The following NDUFC2 variants were observed in gnomAD, a reference collection of about 807,000 sequenced individuals.
NDUFC2 encodes NADH dehydrogenase [ubiquinone] 1 subunit C2.
Under a neutral mutation model 10.1 loss-of-function variants are expected in NDUFC2, and 2 were observed. The ratio of observed to expected loss-of-function variants is 0.20; its 90% CI spans 0.08 to 0.62. The LOEUF (loss-of-function observed/expected upper bound fraction) is 0.62. Ranked by LOEUF, NDUFC2 falls within the 20% of genes least tolerant of loss-of-function variation. The pLI is 0.87. For synonymous variants in NDUFC2, 61 were observed against 63.6 expected (o/e 0.96, Z 0.20); for missense variants, 156 against 159.6 (o/e 0.98, Z 0.12).
chr11:78,073,107 A>C lies in NDUFC2; in HGVS notation c.201T>G (p.Phe67Leu). The change falls in exon 2 of 3, where the codon TTT becomes TTG. Residue 67 changes from phenylalanine to leucine, a missense_variant. By Grantham distance (22) the Phe-to-Leu change is conservative. Transcript: ENST00000281031. ...TTACAAGATAATATCCAGCAAAAAA[A>C]AAGGCCGTAATATATAGAAGCTGGC... Reference protein sequence around the residue: ...LHRQLLYITAFFFAGYYLVKR... With the variant: ...LHRQLLYITALFFAGYYLVKR... 6.2e-7 allele frequency: 1 copy of C among 1,613,780 alleles called. No homozygotes were observed. The highest frequency in any genetic ancestry group is 8.5e-7 in the Non-Finnish European group (1 of 1,179,962).
chr11:78,078,931 G>T (rs1211717281), intron 1 of NDUFC2, among the ~76,000 whole-genome samples: 2 of 150,992 alleles, frequency 1.3e-5, no homozygotes, highest in Admixed American at 1.3e-4. Context: ...TCGCCCTATT[G>T]CCCATACTGG....
At chr11:78,070,160 G>A (rs1239218411) in intron 2 of NDUFC2, 124 bp from the exon 3 acceptor site, 1 of 706,088 alleles carries the variant, frequency 1.4e-6, no homozygotes, top group Non-Finnish European at 2.4e-6. Context: ...GAATGTTCAT[G>A]TCCCCCCAAA....
intron 1 of NDUFC2, among the ~76,000 whole-genome samples, chr11:78,074,622 A>T (rs531090250): frequency 1.2e-4 from 18 of 152,300 alleles, no homozygotes; most frequent in African/African-American, 4.3e-4. Flanking sequence ...CAAAAAAAAA[A>T]ACAAAAAAAG....
At position 78,069,709 on chromosome 11, in the gene NDUFC2, T is replaced by G; in HGVS notation, c.*278A>C. The G allele has an allele frequency of 3.1e-6, 2 of 636,082 alleles. No homozygotes were observed. 39.4% of individuals were successfully genotyped at this position (636,082 alleles called of 1,614,324 possible). A position where few individuals can be genotyped will look rare whatever the true frequency, so the allele number is the denominator to read the frequency against. ...AGCATGGCTGTGTTCCAATGAGACT[T>G]TATTGGCAGTGGGCCAGATTTGGGT... On this transcript the variant is annotated 3_prime_UTR_variant, in exon 3 of 3. Transcript: ENST00000281031.
intron 2 of NDUFC2, 119 bp from the exon 3 acceptor site, chr11:78,070,155 T>C: frequency 1.4e-6 from 1 of 717,766 alleles, no homozygotes; most frequent in Non-Finnish European, 2.3e-6. Context: ...GGTCTGAATG[T>C]TCATGTCCCC....
At chr11:78,078,401 A>G (rs768213530) in intron 1 of NDUFC2, among the ~76,000 whole-genome samples, 5 of 152,146 alleles carry the variant, frequency 3.3e-5, no homozygotes, top group Non-Finnish European at 7.4e-5. Context: ...CCTTGCCCCC[A>G]TTAGCTCCCA....
intron 2 of NDUFC2, among the ~76,000 whole-genome samples, chr11:78,072,426 G>A (rs1859051147): frequency 6.6e-6 from 1 of 152,126 alleles, no homozygotes; most frequent in Non-Finnish European, 1.5e-5. Flanking sequence ...GATCTGCCCC[G>A]CTCGGCCCCC....
At chr11:78,078,293 C>T (rs637048) in intron 1 of NDUFC2, among the ~76,000 whole-genome samples, 1 of 152,176 alleles carries the variant, frequency 6.6e-6, no homozygotes, top group Non-Finnish European at 1.5e-5. Context: ...TTCCTGACTG[C>T]CTAGAAAATA....
intron 1 of NDUFC2, among the ~76,000 whole-genome samples, chr11:78,076,521 G>A (rs1314408003): frequency 1.3e-5 from 2 of 152,218 alleles, no homozygotes; most frequent in African/African-American, 2.4e-5. Context: ...AGTAAATGCT[G>A]TTGAGGACAA....
At chr11:78,076,373 T>C (rs652471) in intron 1 of NDUFC2, among the ~76,000 whole-genome samples, 130,198 of 152,194 alleles carry the variant, frequency 0.86, 55,772 homozygotes, top group Admixed American at 0.89. Context: ...AACTCTTGAC[T>C]TCAGGTGATC....
In NDUFC2 at chr11:78,068,893, C is replaced by T. The variant is rs964864233; in HGVS notation, c.*1094G>A. 1 of 150,102 alleles carries T rather than the reference C, an allele frequency of 6.7e-6. No homozygotes were observed. The highest frequency in any genetic ancestry group is 1.5e-5 in the Non-Finnish European group (1 of 67,582). 9.3% of individuals were successfully genotyped at this position (150,102 alleles called of 1,614,324 possible). ...TTGGGACAAGTACTTTTTTTTTTGA[C>T]GGGGTCTCCTTTGTCACCCAGGCTG... On this transcript the variant is annotated 3_prime_UTR_variant, in exon 3 of 3. Transcript: ENST00000281031.
At chr11:78,078,728 C>CTTTTTTTTTTTTTTTTTTTTT (rs71046953) in intron 1 of NDUFC2, among the ~76,000 whole-genome samples, 628 of 61,550 alleles carry the variant, frequency 0.01, 184 homozygotes, top group African/African-American at 0.02. Flanking sequence ...TCAGGATCCG[C>CTTTTTTTTTTTTTTTTTTTTT]TTTTTTTTTT....
intron 1 of NDUFC2, among the ~76,000 whole-genome samples, chr11:78,076,851 A>G (rs910201943): frequency 2.0e-5 from 3 of 152,066 alleles, no homozygotes; most frequent in African/African-American, 7.2e-5. Context: ...CTCCCTCCCA[A>G]CTGTATCTCC....
chr11:78,069,725 A>G lies in NDUFC2; in HGVS notation c.*262T>C. 4.3e-6 allele frequency: 3 copies of G among 695,186 alleles called. No individual in the cohort carries two copies. In the South Asian group the frequency reaches 6.0e-5, roughly 14 times the overall value. 43.1% of individuals were successfully genotyped at this position (695,186 alleles called of 1,614,324 possible). ...AATGAGACTTTATTGGCAGTGGGCC[A>G]GATTTGGGTAGTCTGCTAACTCTAA... On this transcript the variant is annotated 3_prime_UTR_variant, in exon 3 of 3. Transcript: ENST00000281031.
At chr11:78,077,829 A>C (rs1188857145) in intron 1 of NDUFC2, among the ~76,000 whole-genome samples, 2 of 152,212 alleles carry the variant, frequency 1.3e-5, no homozygotes, top group African/African-American at 2.4e-5. Flanking sequence ...AAGTGCTGGG[A>C]TTACAGGTGT....
chr11:78,077,306 G>C (rs184050956), intron 1 of NDUFC2, among the ~76,000 whole-genome samples: 89 of 151,830 alleles, frequency 5.9e-4, no homozygotes, highest in African/African-American at 2.0e-3. Flanking sequence ...AAAAAAAAAG[G>C]GTTCTGTAAA....
rs1858864555 is a variant in NDUFC2, at chr11:78,068,853, A to G, written c.*1134T>C. The G allele has an allele frequency of 6.6e-6, 1 of 151,766 alleles. No homozygotes were observed. Among genetic ancestry groups the G allele is most frequent in the Non-Finnish European group, 1.5e-5 (1 of 67,998 alleles). The allele number at this position is 151,766 out of a possible 1,614,324, so 9.4% of individuals were successfully genotyped here. ...CTAATCTGATTATAAATTCTAAGCT[A>G]GGAAACAAAAACTTTTGGGACAAGT... On this transcript the variant is annotated 3_prime_UTR_variant, in exon 3 of 3. Coordinates refer to ENST00000281031, the MANE Select transcript of NDUFC2 (RefSeq NM_004549.6).
chr11:78,072,715 T>A (rs1184180931), intron 2 of NDUFC2: 2 of 493,720 alleles, frequency 4.1e-6, no homozygotes, highest in Non-Finnish European at 7.1e-6. Flanking sequence ...CTCAGGCTTC[T>A]GGCTTGAGTG....
rs499799 is a variant in NDUFC2, at chr11:78,079,817, C to A, written c.-73G>T. The A allele has an allele frequency of 3.0e-3, 4,583 of 1,515,774 alleles. 124 individuals carry two copies. In the African/African-American group the frequency reaches 0.058, roughly 19 times the overall value. The allele number at this position is 1,515,774 out of a possible 1,614,324, so 93.9% of individuals were successfully genotyped here. On this transcript the variant is annotated 5_prime_UTR_variant, in exon 1 of 3. Transcript: ENST00000281031. ...AGGAAAACCACGACGACCACTACCC[C>A]GGCCTAAGCGGTCAGCTTTCTCCTC...
Sources: gnomAD v4.1 joint callset for allele counts (sites outside exome capture counted in the v4.1 genomes callset) on GRCh38, gnomAD v4.1.1 for gene constraint, MANE v1.5 for transcripts, NCBI Gene and HGNC (gene_info 2026-07-23, HGNC 2026-07-21) for gene names.